Variants in FNDC3B observed in about 807,000 individuals in gnomAD.
FNDC3B encodes fibronectin type III domain-containing protein 3B.
A neutral mutation model predicts 151.5 loss-of-function variants in FNDC3B; 12 were observed. The observed-to-expected ratio is 0.08, with a 90% confidence interval of 0.05 to 0.13. The LOEUF (loss-of-function observed/expected upper bound fraction) is 0.13, where lower values mean the gene tolerates loss of function less well. Among genes scored for constraint, FNDC3B ranks in the 10% least tolerant of loss-of-function variants. The pLI, the probability that FNDC3B is intolerant of heterozygous loss-of-function variation, is 1.00. For missense variants in FNDC3B, 1,214 were observed against 1,505.3 expected, an observed-to-expected ratio of 0.81 and a Z score of 3.20; for synonymous variants, 528 against 549.0, an observed-to-expected ratio of 0.96 and a Z score of 0.54.
In FNDC3B at chr3:172,330,689, A is replaced by G; in HGVS notation, c.1528A>G (p.Thr510Ala). ...TTCACCCGAGGAAGTGATCACCTAC[A>G]CCTTGGAAATTCAGGAGGATGAAAA... ...GCSPEEVITY[T>A]LEIQEDENDN... The change falls in exon 13 of 26, where the codon ACC (threonine) becomes GCC (alanine). Residue 510 changes from threonine to alanine, a missense_variant. By Grantham distance (58) the Thr-to-Ala change is moderately conservative. Transcript: ENST00000415807. 1 of 1,613,620 alleles carries G rather than the reference A, an allele frequency of 6.2e-7. No individual in the cohort carries two copies. The highest frequency in any genetic ancestry group is 1.7e-4 in the Middle Eastern group (1 of 6,060).
chr3:172,046,205 T>C (rs1716360995), intron 1 of FNDC3B, among the ~76,000 whole-genome samples: 1 of 152,226 alleles, frequency 6.6e-6, no homozygotes, highest in South Asian at 2.1e-4. Context: ...GATCGATTGT[T>C]GAATTTTTCT....
At chr3:172,135,536 C>A (rs556506946) in intron 3 of FNDC3B, among the ~76,000 whole-genome samples, 25 of 152,276 alleles carry the variant, frequency 1.6e-4, no homozygotes, top group Middle Eastern at 3.4e-3. Flanking sequence ...TCCCTCCAGG[C>A]TTCCTATTCT....
At chr3:172,382,615 T>A (rs1469662684) in intron 25 of FNDC3B, among the ~76,000 whole-genome samples, 4 of 152,222 alleles carry the variant, frequency 2.6e-5, no homozygotes, top group Non-Finnish European at 5.9e-5. Flanking sequence ...TACATTTAAA[T>A]CTTTAATCCA....
chr3:172,134,029 A>G (rs1158660157), intron 3 of FNDC3B, among the ~76,000 whole-genome samples: 1 of 152,218 alleles, frequency 6.6e-6, no homozygotes, highest in African/African-American at 2.4e-5. Context: ...ATTGGGGGCC[A>G]TCTCAGAGGC....
intron 3 of FNDC3B, among the ~76,000 whole-genome samples, chr3:172,156,024 GT>G (rs1214428060): frequency 2.0e-5 from 3 of 152,136 alleles, no homozygotes; most frequent in Admixed American, 1.3e-4. Context: ...TTTCTAAATG[GT>G]TTTGGTAAAT....
chr3:172,069,226 G>A (rs536946564), intron 1 of FNDC3B, among the ~76,000 whole-genome samples: 1 of 152,332 alleles, frequency 6.6e-6, no homozygotes, highest in East Asian at 1.9e-4. Context: ...GTGGGAGGGT[G>A]AGGGCATGGA....
At chr3:172,068,622 A>G (rs1320963681) in intron 1 of FNDC3B, among the ~76,000 whole-genome samples, 1 of 151,942 alleles carries the variant, frequency 6.6e-6, no homozygotes, top group Admixed American at 6.5e-5. Context: ...ATGGGGTTCC[A>G]CCATGTTGGC....
At chr3:172,354,428 T>C (rs1223736303) in intron 22 of FNDC3B, among the ~76,000 whole-genome samples, 3 of 151,760 alleles carry the variant, frequency 2.0e-5, no homozygotes, top group African/African-American at 7.2e-5. Flanking sequence ...TGCTAATGTT[T>C]ATAACTAAGA....
chr3:172,266,678 C>T (rs916555025), intron 6 of FNDC3B, among the ~76,000 whole-genome samples: 1 of 152,196 alleles, frequency 6.6e-6, no homozygotes, highest in Non-Finnish European at 1.5e-5. Flanking sequence ...GTAGCCACAT[C>T]ACTCCAGCTT....
chr3:172,089,119 C>G (rs1249496796), intron 1 of FNDC3B, among the ~76,000 whole-genome samples: 1 of 152,144 alleles, frequency 6.6e-6, no homozygotes, highest in African/African-American at 2.4e-5. Flanking sequence ...TCATAGTGAG[C>G]AACTAATACC....
chr3:172,136,942 G>A (rs182690762), intron 3 of FNDC3B, among the ~76,000 whole-genome samples: 8 of 152,214 alleles, frequency 5.3e-5, no homozygotes, highest in African/African-American at 1.7e-4. Context: ...GGATGGTCTC[G>A]ATCTCCTGAC....
intron 23 of FNDC3B, among the ~76,000 whole-genome samples, chr3:172,372,085 A>G (rs764872621): frequency 1.3e-5 from 2 of 152,226 alleles, no homozygotes; most frequent in African/African-American, 2.4e-5. Flanking sequence ...GAAACAACTT[A>G]CCTGGTTATA....
chr3:172,180,639 A>C (rs569891126), intron 3 of FNDC3B, among the ~76,000 whole-genome samples: 3 of 152,298 alleles, frequency 2.0e-5, no homozygotes, highest in African/African-American at 7.2e-5. Context: ...GATATGAGGG[A>C]TGTGGGAGAG....
At chr3:172,122,891 A>T (rs1305052105) in intron 2 of FNDC3B, among the ~76,000 whole-genome samples, 3 of 152,240 alleles carry the variant, frequency 2.0e-5, no homozygotes, top group African/African-American at 7.2e-5. Context: ...GGTTGACTAG[A>T]AAGTATATCA....
At position 172,295,379 on chromosome 3, in the gene FNDC3B, C is replaced by A. The variant is rs1576882796; in HGVS notation, c.866C>A (p.Ala289Glu). Residue 289 changes from alanine to glutamate, a missense_variant, in exon 8 of 26, where the codon GCA becomes GAA. By Grantham distance (107) the Ala-to-Glu change is moderately radical. Transcript: ENST00000415807. ...CTTCCTCAGGTTTCTAATATTCAGG[C>A]AAGAGCAGTTGTGTTGTCCTGGGCT... The part of the protein sequence containing the change: ...IEKPQVSNIQ[A>E]RAVVLSWAPP... 1 of 1,610,978 alleles carries A rather than the reference C, an allele frequency of 6.2e-7. No homozygotes were observed. The highest frequency in any genetic ancestry group is 2.2e-5 in the East Asian group (1 of 44,864).
intron 2 of FNDC3B, among the ~76,000 whole-genome samples, chr3:172,115,965 G>A (rs1486065105): frequency 1.3e-5 from 2 of 152,196 alleles, no homozygotes. Context: ...CTGTTCTGCT[G>A]GTTCTGGATG....
chr3:172,337,644 G>T, intron 16 of FNDC3B: 1 of 440,926 alleles, frequency 2.3e-6, no homozygotes, highest in Non-Finnish European at 4.0e-6. Flanking sequence ...TTTCATTGGT[G>T]TTTTGTTTTG....
chr3:172,278,942 C>CA (rs1017798918), intron 6 of FNDC3B, among the ~76,000 whole-genome samples: 7 of 151,502 alleles, frequency 4.6e-5, no homozygotes, highest in Admixed American at 6.6e-5. Context: ...CAAAACAAAA[C>CA]AAAAAAAACA....
At chr3:172,109,760 G>A (rs1392855951) in intron 1 of FNDC3B, among the ~76,000 whole-genome samples, 1 of 152,124 alleles carries the variant, frequency 6.6e-6, no homozygotes, top group East Asian at 1.9e-4. Flanking sequence ...TGTATGAGGT[G>A]GAAAGTCCAT....
Sources: allele counts gnomAD v4.1 joint callset (sites outside exome capture counted in the v4.1 genomes callset), GRCh38; gene constraint gnomAD v4.1.1; transcripts MANE v1.5; gene names NCBI Gene and HGNC (gene_info 2026-07-23, HGNC 2026-07-21).